Variants in TAFA1 observed in about 807,000 individuals in gnomAD.
TAFA1 encodes chemokine-like protein TAFA-1.
A neutral mutation model predicts 18.5 loss-of-function variants in TAFA1; 4 were observed. The ratio of observed to expected loss-of-function variants is 0.22; its 90% confidence interval spans 0.11 to 0.49. The LOEUF (loss-of-function observed/expected upper bound fraction) is 0.49, where lower values mean the gene tolerates loss of function less well. TAFA1 is among the 20% of genes least tolerant of loss of function. The pLI, the probability that TAFA1 is intolerant of heterozygous loss-of-function variation, is 0.98. For synonymous variants in TAFA1, 56 were observed against 55.2 expected (o/e 1.01, Z -0.06); for missense variants, 147 against 169.0 (o/e 0.87, Z 0.72).
chr3:68,331,035 C>T (rs2068858458), intron 2 of TAFA1, among the ~76,000 whole-genome samples: 1 of 141,794 alleles, frequency 7.1e-6, no homozygotes, highest in Non-Finnish European at 1.6e-5. Context: ...AAACAAAAAA[C>T]AACAAATGTC....
At chr3:68,431,055 T>C (rs1469687386) in intron 3 of TAFA1, among the ~76,000 whole-genome samples, 1 of 151,904 alleles carries the variant, frequency 6.6e-6, no homozygotes. Context: ...TCTTTATGGA[T>C]TGACAACACC....
At chr3:68,369,689 C>T (rs1575810496) in intron 2 of TAFA1, among the ~76,000 whole-genome samples, 1 of 152,338 alleles carries the variant, frequency 6.6e-6, no homozygotes, top group East Asian at 1.9e-4. Flanking sequence ...CCATCACTCA[C>T]TCTCACATTG....
At chr3:68,151,938 A>G (rs934894804) in intron 2 of TAFA1, among the ~76,000 whole-genome samples, 1 of 152,322 alleles carries the variant, frequency 6.6e-6, no homozygotes, top group South Asian at 2.1e-4. Flanking sequence ...AAGCTCATTC[A>G]TGTAAATGAA....
At chr3:68,026,285 G>C (rs188181788) in intron 2 of TAFA1, among the ~76,000 whole-genome samples, 3 of 151,922 alleles carry the variant, frequency 2.0e-5, no homozygotes, top group African/African-American at 7.2e-5. Context: ...GTCCAGCAGC[G>C]GGGGAATGAG....
At chr3:68,320,415 G>C (rs771474111) in intron 2 of TAFA1, among the ~76,000 whole-genome samples, 1 of 152,186 alleles carries the variant, frequency 6.6e-6, no homozygotes, top group Non-Finnish European at 1.5e-5. Context: ...TGTGCCAGCT[G>C]GATCTAGCCA....
intron 3 of TAFA1, among the ~76,000 whole-genome samples, chr3:68,421,531 C>A (rs2070955446): frequency 6.6e-6 from 1 of 152,076 alleles, no homozygotes; most frequent in Admixed American, 6.6e-5. Context: ...GGAATCGCAG[C>A]TGTACCTATT....
chr3:68,235,854 G>T (rs2066922114), intron 2 of TAFA1, among the ~76,000 whole-genome samples: 1 of 152,112 alleles, frequency 6.6e-6, no homozygotes, highest in South Asian at 2.1e-4. Flanking sequence ...AAATAAAGCA[G>T]AAAAGAGTAG....
chr3:68,542,929 G>A (rs751104152), intron 4 of TAFA1, among the ~76,000 whole-genome samples: 1 of 152,136 alleles, frequency 6.6e-6, no homozygotes, highest in Non-Finnish European at 1.5e-5. Context: ...TGAGCAGGGG[G>A]ATGACTTAGA....
intron 2 of TAFA1, among the ~76,000 whole-genome samples, chr3:68,280,584 A>G (rs1199580337): frequency 6.6e-6 from 1 of 152,120 alleles, no homozygotes; most frequent in Admixed American, 6.5e-5. Flanking sequence ...CTCCACTTTT[A>G]AAGAAATTGA....
chr3:68,329,573 T>G (rs1428969507), intron 2 of TAFA1, among the ~76,000 whole-genome samples: 4 of 152,208 alleles, frequency 2.6e-5, no homozygotes, highest in African/African-American at 9.7e-5. Flanking sequence ...AGATCCTTTT[T>G]GCTCTCAAAC....
chr3:68,485,399 G>A (rs1024663568), intron 3 of TAFA1, among the ~76,000 whole-genome samples: 2 of 152,192 alleles, frequency 1.3e-5, no homozygotes, highest in Middle Eastern at 3.4e-3. Flanking sequence ...TTTGCCACTG[G>A]CTTACTTAGA....
At chr3:68,225,155 G>T (rs574660958) in intron 2 of TAFA1, among the ~76,000 whole-genome samples, 16 of 151,894 alleles carry the variant, frequency 1.1e-4, no homozygotes, top group Non-Finnish European at 1.0e-4. Flanking sequence ...TGATCCACCT[G>T]CCTCGGCCTC....
intron 3 of TAFA1, among the ~76,000 whole-genome samples, chr3:68,474,970 G>A (rs1575901320): frequency 6.6e-6 from 1 of 151,982 alleles, no homozygotes; most frequent in African/African-American, 2.4e-5. Flanking sequence ...TCACAGCTGA[G>A]ATGAGATGTG....
chr3:68,128,388 AC>A (rs1200405112), intron 2 of TAFA1, among the ~76,000 whole-genome samples: 2 of 152,034 alleles, frequency 1.3e-5, no homozygotes, highest in Non-Finnish European at 2.9e-5. Flanking sequence ...ATGAGGCAGG[AC>A]TCCAACCACA....
chr3:68,055,749 G>A lies in TAFA1; in HGVS notation c.118+49005G>A, dbSNP rs141397449. ...CAAGAGTCTGGAGTGCATTTACACA[G>A]ATGTCCCTTTCCCTGGACATATCTC... On this transcript the variant is annotated intron_variant, in intron 2 of 4. Transcript: ENST00000478136. Among the ~76,000 whole-genome samples the A allele has an allele frequency of 4.6e-5, 7 of 152,192 alleles. 1 individual carries two copies. The highest frequency in any genetic ancestry group is 8.8e-5 in the Non-Finnish European group (6 of 67,998).
intron 2 of TAFA1, among the ~76,000 whole-genome samples, chr3:68,379,830 T>A (rs966543553): frequency 6.6e-6 from 1 of 151,878 alleles, no homozygotes; most frequent in Non-Finnish European, 1.5e-5. Context: ...GTTTGTTACA[T>A]AGGTATACAT....
chr3:68,141,080 A>T (rs1168729144), intron 2 of TAFA1, among the ~76,000 whole-genome samples: 1 of 152,186 alleles, frequency 6.6e-6, no homozygotes, highest in Non-Finnish European at 1.5e-5. Flanking sequence ...ATTTATACTT[A>T]AAGTACTGTA....
intron 2 of TAFA1, among the ~76,000 whole-genome samples, chr3:68,273,187 C>G (rs1384142854): frequency 1.3e-5 from 2 of 152,074 alleles, no homozygotes; most frequent in Admixed American, 1.3e-4. Flanking sequence ...TAAAAGCCTT[C>G]AACCATGTGA....
chr3:68,050,803 G>C (rs2064461922), intron 2 of TAFA1, among the ~76,000 whole-genome samples: 1 of 152,138 alleles, frequency 6.6e-6, no homozygotes, highest in African/African-American at 2.4e-5. Context: ...GCTCAACTTA[G>C]CTTTTTAGTG....
Sources: allele counts gnomAD v4.1 joint callset (sites outside exome capture counted in the v4.1 genomes callset), GRCh38; gene constraint gnomAD v4.1.1; transcripts MANE v1.5; gene names NCBI Gene and HGNC (gene_info 2026-07-23, HGNC 2026-07-21).